The following ROBO2 variants were observed in gnomAD, a reference collection of about 807,000 sequenced individuals.
The protein encoded by ROBO2 is roundabout homolog 2.
In ROBO2, 53 loss-of-function variants were observed where a neutral mutation model predicts 160.8. The ratio of observed to expected loss-of-function variants is 0.33; its 90% CI spans 0.26 to 0.41. The LOEUF is 0.41. Ranked by LOEUF, ROBO2 falls within the 10% of genes least tolerant of loss-of-function variation. The probability of loss-of-function intolerance (pLI) is 1.00; values close to 1 mark genes in which losing one functional copy is unlikely to be tolerated. For missense variants in ROBO2, 1,577 were observed against 1,722.4 expected (o/e 0.92, Z 1.49); for synonymous variants, 664 against 611.7 (o/e 1.09, Z -1.26).
intron 2 of ROBO2, among the ~76,000 whole-genome samples, chr3:76,637,631 G>A (rs948776226): frequency 1.8e-4 from 27 of 152,112 alleles, no homozygotes; most frequent in Admixed American, 7.2e-4. Context: ...CTGCTCTTCC[G>A]GGCACATACA....
At chr3:77,028,222 T>C (rs2063095219) in intron 2 of ROBO2, among the ~76,000 whole-genome samples, 1 of 152,076 alleles carries the variant, frequency 6.6e-6, no homozygotes, top group Non-Finnish European at 1.5e-5. Context: ...AAACAATGAT[T>C]AACATTCAAT....
chr3:75,963,691 A>T (rs1023497181), intron 2 of ROBO2, among the ~76,000 whole-genome samples: 17 of 151,650 alleles, frequency 1.1e-4, no homozygotes, highest in Middle Eastern at 3.2e-3. Flanking sequence ...TAAACAACAG[A>T]TATTTATTTT....
At chr3:76,821,704 T>C (rs13070294) in intron 2 of ROBO2, among the ~76,000 whole-genome samples, 5,109 of 152,094 alleles carry the variant, frequency 0.034, 110 homozygotes, top group Non-Finnish European at 0.054. Context: ...TTCTCAGTAG[T>C]ATTGCTTGCA....
intron 2 of ROBO2, among the ~76,000 whole-genome samples, chr3:77,430,991 T>G (rs546455703): frequency 4.1e-4 from 62 of 152,338 alleles, no homozygotes; most frequent in Admixed American, 3.5e-3. Flanking sequence ...CCAGTAAGTT[T>G]ATTGTCATTA....
At chr3:76,316,162 A>G (rs2107825929) in intron 2 of ROBO2, among the ~76,000 whole-genome samples, 1 of 152,286 alleles carries the variant, frequency 6.6e-6, no homozygotes, top group South Asian at 2.1e-4. Context: ...CTTAACAGGA[A>G]ACAGGGTTCG....
chr3:77,315,985 C>A (rs1289514039), intron 2 of ROBO2, among the ~76,000 whole-genome samples: 1 of 151,940 alleles, frequency 6.6e-6, no homozygotes, highest in Non-Finnish European at 1.5e-5. Context: ...AAATGGAAGA[C>A]TTTAAAATGT....
At chr3:76,468,173 A>G (rs897952488) in intron 2 of ROBO2, among the ~76,000 whole-genome samples, 7 of 152,264 alleles carry the variant, frequency 4.6e-5, no homozygotes, top group Admixed American at 2.6e-4. Context: ...GTGAGGAATT[A>G]TAGCCTGAAA....
chr3:76,825,380 T>A (rs2066476969), intron 2 of ROBO2, among the ~76,000 whole-genome samples: 1 of 151,976 alleles, frequency 6.6e-6, no homozygotes, highest in African/African-American at 2.4e-5. Context: ...ATGAAAAAAG[T>A]TTATAGTTTT....
intron 2 of ROBO2, among the ~76,000 whole-genome samples, chr3:76,265,316 A>G (rs904799560): frequency 1.3e-5 from 2 of 152,064 alleles, no homozygotes; most frequent in African/African-American, 4.8e-5. Context: ...GATCTACTTC[A>G]TGTTGATCTG....
intron 2 of ROBO2, among the ~76,000 whole-genome samples, chr3:76,371,016 C>A (rs114112442): frequency 0.012 from 1,753 of 151,976 alleles, 37 homozygotes; most frequent in African/African-American, 0.04. Flanking sequence ...ATGCCTCCCC[C>A]ATGAGTAGTT....
At chr3:76,996,692 A>T (rs779638675) in intron 2 of ROBO2, among the ~76,000 whole-genome samples, 1 of 152,168 alleles carries the variant, frequency 6.6e-6, no homozygotes, top group Non-Finnish European at 1.5e-5. Flanking sequence ...TGTCCAGTAC[A>T]TTCTTACCAA....
At chr3:76,254,735 CAG>C (rs36108761) in intron 2 of ROBO2, among the ~76,000 whole-genome samples, 120 of 148,272 alleles carry the variant, frequency 8.1e-4, no homozygotes, top group Non-Finnish European at 8.8e-4. Flanking sequence ...TACTCTCTCT[CAG>C]AGAGAGAGAG....
chr3:77,167,107 C>G (rs1017572684), intron 2 of ROBO2, among the ~76,000 whole-genome samples: 1 of 152,084 alleles, frequency 6.6e-6, no homozygotes, highest in African/African-American at 2.4e-5. Flanking sequence ...TTTGAGTAAG[C>G]CTGTTAGCCC....
At chr3:77,169,327 CCT>C (rs2079405716) in intron 2 of ROBO2, among the ~76,000 whole-genome samples, 1 of 151,980 alleles carries the variant, frequency 6.6e-6, no homozygotes. Context: ...TTAAAATAGC[CCT>C]GTTTGAATTT....
intron 2 of ROBO2, among the ~76,000 whole-genome samples, chr3:76,085,259 A>G (rs968033120): frequency 9.9e-5 from 15 of 152,154 alleles, no homozygotes; most frequent in African/African-American, 3.6e-4. Flanking sequence ...ATTCTCAAAG[A>G]CACCTTTAAC....
chr3:76,008,817 G>A (rs545317069), intron 2 of ROBO2, among the ~76,000 whole-genome samples: 1 of 152,034 alleles, frequency 6.6e-6, no homozygotes, highest in South Asian at 2.1e-4. Context: ...AAAAGCATAC[G>A]TATTTGTTTA....
At chr3:76,937,097 C>T (rs2077754019) in intron 2 of ROBO2, among the ~76,000 whole-genome samples, 1 of 152,112 alleles carries the variant, frequency 6.6e-6, no homozygotes, top group African/African-American at 2.4e-5. Context: ...ACTTAGTAAA[C>T]ACCACAAGTG....
At chr3:76,753,625 A>G (rs78026414) in intron 2 of ROBO2, among the ~76,000 whole-genome samples, 2 of 152,038 alleles carry the variant, frequency 1.3e-5, no homozygotes, top group African/African-American at 4.8e-5. Flanking sequence ...GATACTTCAT[A>G]TGCGATTTAT....
At chr3:75,944,705 T>A (rs879680278) in intron 2 of ROBO2, among the ~76,000 whole-genome samples, 5 of 152,224 alleles carry the variant, frequency 3.3e-5, no homozygotes, top group Admixed American at 2.0e-4. Flanking sequence ...TTAATCTACT[T>A]ATCAACTTTA....
Sources: allele counts gnomAD v4.1 joint callset (sites outside exome capture counted in the v4.1 genomes callset), GRCh38; gene constraint gnomAD v4.1.1; transcripts MANE v1.5; gene names NCBI Gene and HGNC (gene_info 2026-07-23, HGNC 2026-07-21).